MALRD1: variants seen among roughly 807,000 people sequenced by gnomAD.
MALRD1 encodes the protein MAM and LDL-receptor class A domain-containing protein 1.
MALRD1 carries 247 observed loss-of-function variants against 242.1 expected under a neutral mutation model. That is an observed-to-expected ratio of 1.02 (90% CI 0.92 to 1.13). The LOEUF is 1.13. MALRD1 is among the 50% of genes most tolerant of loss of function. MALRD1 has a pLI of 0.00. For missense variants in MALRD1, 2,989 were observed against 2,533.1 expected (o/e 1.18, Z -3.86); for synonymous variants, 995 against 866.6 (o/e 1.15, Z -2.60).
At chr10:19,709,240 T>C (rs1833999760) in intron 38 of MALRD1, among the ~76,000 whole-genome samples, 2 of 92,472 alleles carry the variant, frequency 2.2e-5, no homozygotes, top group South Asian at 8.7e-4. Flanking sequence ...ACCCCGTCTG[T>C]ACTAAAAAAA....
intron 38 of MALRD1, among the ~76,000 whole-genome samples, chr10:19,725,766 A>C (rs1304469255): frequency 6.6e-6 from 1 of 152,222 alleles, no homozygotes; most frequent in Non-Finnish European, 1.5e-5. Context: ...AATTGAACTG[A>C]ATTGAAAATT....
chr10:19,590,726 T>C (rs1285515050), intron 33 of MALRD1, among the ~76,000 whole-genome samples: 2 of 152,172 alleles, frequency 1.3e-5, no homozygotes, highest in Non-Finnish European at 2.9e-5. Context: ...TGTGTGTGTG[T>C]ATGTGGATAC....
intron 36 of MALRD1, among the ~76,000 whole-genome samples, chr10:19,652,152 C>G (rs1413570003): frequency 8.5e-5 from 13 of 152,176 alleles, no homozygotes; most frequent in Admixed American, 4.6e-4. Context: ...CTTGGCACAG[C>G]CTGTGTCACG....
chr10:19,442,648 C>T (rs1834731590), intron 28 of MALRD1, among the ~76,000 whole-genome samples: 1 of 152,132 alleles, frequency 6.6e-6, no homozygotes, highest in Non-Finnish European at 1.5e-5. Context: ...TTGGACCAGC[C>T]TTGCATCCCA....
At chr10:19,633,858 T>TG (rs1482155253) in intron 36 of MALRD1, 1 of 148,278 alleles carries the variant, frequency 6.7e-6, no homozygotes, top group Non-Finnish European at 1.5e-5. Flanking sequence ...TTTTTTTTTT[T>TG]GACAGAGTCT....
At chr10:19,612,964 A>G (rs1415807908) in intron 35 of MALRD1, among the ~76,000 whole-genome samples, 1 of 152,042 alleles carries the variant, frequency 6.6e-6, no homozygotes, top group Non-Finnish European at 1.5e-5. Flanking sequence ...ACTGCTTAAC[A>G]GGCTACTCTC....
At chr10:19,709,243 T>TAAAAAAAAAAAA (rs557818453) in intron 38 of MALRD1, among the ~76,000 whole-genome samples, 2 of 105,970 alleles carry the variant, frequency 1.9e-5, no homozygotes, top group African/African-American at 7.3e-5. Flanking sequence ...CCGTCTGTAC[T>TAAAAAAAAAAAA]AAAAAAAAAA....
At chr10:19,176,869 CATGTGT>C (rs1374003419) in intron 14 of MALRD1, among the ~76,000 whole-genome samples, 2 of 130,472 alleles carry the variant, frequency 1.5e-5, no homozygotes, top group South Asian at 2.3e-4. Flanking sequence ...TGCATGTGTG[CATGTGT>C]GTGTGTGTGT....
intron 21 of MALRD1, among the ~76,000 whole-genome samples, chr10:19,308,428 C>T (rs1423159536): frequency 1.3e-5 from 2 of 151,276 alleles, no homozygotes; most frequent in African/African-American, 4.8e-5. Context: ...TTCTTTATAT[C>T]CAGAAATAGA....
At chr10:19,095,638 G>C (rs1588535424) in intron 4 of MALRD1, among the ~76,000 whole-genome samples, 2 of 152,054 alleles carry the variant, frequency 1.3e-5, no homozygotes, top group East Asian at 1.9e-4. Flanking sequence ...TATGGGGAGG[G>C]GATACTATGT....
In MALRD1 at chr10:19,697,113, A is replaced by G. The variant is rs568400962; in HGVS notation, c.6314+4559A>G. Among the ~76,000 whole-genome samples the G allele has an allele frequency of 4.2e-4, 64 of 152,268 alleles. 1 individual carries two copies. In the South Asian group the frequency reaches 0.011, roughly 25 times the overall value. ...TTGTCTGGCTTCTCCAGAAAAACAC[A>G]CATAAAAATAGGATACAGAGATAGA... On this transcript the variant is annotated intron_variant, in intron 38 of 39. Transcript: ENST00000454679.
intron 21 of MALRD1, among the ~76,000 whole-genome samples, chr10:19,310,272 T>C (rs1182227752): frequency 6.6e-6 from 1 of 151,556 alleles, no homozygotes; most frequent in Non-Finnish European, 1.5e-5. Flanking sequence ...AAGTAGGGCA[T>C]GATTTTATGC....
At chr10:19,352,692 A>G (rs1358019768) in intron 26 of MALRD1, among the ~76,000 whole-genome samples, 2 of 152,192 alleles carry the variant, frequency 1.3e-5, no homozygotes, top group Admixed American at 1.3e-4. Context: ...TGGTTATGAT[A>G]TTTGCCACCT....
intron 32 of MALRD1, among the ~76,000 whole-genome samples, chr10:19,540,105 C>T (rs1005325122): frequency 2.6e-5 from 4 of 152,006 alleles, no homozygotes; most frequent in Admixed American, 2.6e-4. Flanking sequence ...GTCAAACTCA[C>T]TGAGGGCCCT....
At chr10:19,127,958 A>G (rs956830623) in intron 7 of MALRD1, among the ~76,000 whole-genome samples, 2 of 152,182 alleles carry the variant, frequency 1.3e-5, no homozygotes, top group Non-Finnish European at 2.9e-5. Flanking sequence ...TTTCTTTTAT[A>G]GGAATCTTGA....
chr10:19,403,106 G>C (rs1190772682), intron 28 of MALRD1, among the ~76,000 whole-genome samples: 3 of 152,030 alleles, frequency 2.0e-5, no homozygotes, highest in African/African-American at 7.2e-5. Context: ...AAGATTTAGG[G>C]GAAATTGGAA....
chr10:19,513,846 G>A (rs188485639), intron 31 of MALRD1, among the ~76,000 whole-genome samples: 11 of 152,108 alleles, frequency 7.2e-5, no homozygotes, highest in Non-Finnish European at 1.0e-4. Context: ...ACTTAACCAC[G>A]AGAATCTGCA....
intron 25 of MALRD1, among the ~76,000 whole-genome samples, chr10:19,350,901 G>A (rs1844345570): frequency 6.6e-6 from 1 of 152,136 alleles, no homozygotes; most frequent in South Asian, 2.1e-4. Flanking sequence ...ACTCAAATGA[G>A]TCATGGTACC....
chr10:19,636,858 C>T (rs1191685359), intron 36 of MALRD1, among the ~76,000 whole-genome samples: 1 of 145,838 alleles, frequency 6.9e-6, no homozygotes, highest in Admixed American at 6.8e-5. Flanking sequence ...AAGACTGTGC[C>T]ATTGCACTCC....
Sources: allele counts gnomAD v4.1 joint callset (sites outside exome capture counted in the v4.1 genomes callset), GRCh38; gene constraint gnomAD v4.1.1; transcripts MANE v1.5; gene names NCBI Gene and HGNC (gene_info 2026-07-23, HGNC 2026-07-21).